The following ALDOB variants were observed in gnomAD, a reference collection of about 807,000 sequenced individuals.
ALDOB encodes fructose-bisphosphate aldolase B.
A neutral mutation model predicts 41.0 loss-of-function variants in ALDOB; 39 were observed. The ratio of observed to expected loss-of-function variants is 0.95; its 90% CI spans 0.74 to 1.24. The LOEUF is 1.24. Among genes scored for constraint, ALDOB ranks in the 50% most tolerant of loss-of-function variants. The pLI is 0.00. For missense variants in ALDOB, 530 were observed against 457.3 expected, an observed-to-expected ratio of 1.16 and a Z score of -1.45; for synonymous variants, 175 against 168.8, an observed-to-expected ratio of 1.04 and a Z score of -0.28.
chr9:101,421,486 G>A lies in ALDOB; in HGVS notation c.*323C>T. The A allele has an allele frequency of 2.5e-6, 1 of 402,436 alleles. No individual in the cohort carries two copies. The highest frequency in any genetic ancestry group is 4.7e-6 in the Non-Finnish European group (1 of 212,362). 24.9% of individuals were successfully genotyped at this position (402,436 alleles called of 1,614,324 possible). A position where few individuals can be genotyped will look rare whatever the true frequency, so the allele number is the denominator to read the frequency against. ...CACTTCTCTACACTCAGCTAATGAG[G>A]TGTTTCAATCAGCAGTTGTTCTTTG... On this transcript the variant is annotated 3_prime_UTR_variant, in exon 9 of 9. Coordinates refer to ENST00000647789, the MANE Select transcript of ALDOB (RefSeq NM_000035.4).
chr9:101,432,658 A>G (rs1831238129), intron 1 of ALDOB, among the ~76,000 whole-genome samples: 1 of 152,208 alleles, frequency 6.6e-6, no homozygotes, highest in African/African-American at 2.4e-5. Flanking sequence ...TTTCTTGAAA[A>G]TAATCCCAGA....
rs1278516998 is a variant in ALDOB, at chr9:101,430,779, C to A, written c.109G>T (p.Val37Leu). The A allele has an allele frequency of 6.2e-7, 1 of 1,610,856 alleles. No homozygotes were observed. ...TGAGACTGCTTTTTACACTCACCTA[C>A]AGATTCATCTGCAGCCAGGATCCCC... is the stretch of plus-strand genomic sequence containing the variant. ...GKGILAADES[V>L]GTMGNRLQRI... Residue 37 changes from valine to leucine, a missense_variant, in exon 2 of 9, where the codon GTA (valine) becomes TTA (leucine). Val to Leu is a conservative substitution (Grantham distance 32). Coordinates refer to ENST00000647789, the MANE Select transcript of ALDOB (RefSeq NM_000035.4).
chr9:101,427,557 G>T lies in ALDOB; in HGVS notation c.465C>A (p.Ala155=), dbSNP rs569981883. 1.2e-5 allele frequency: 20 copies of T among 1,614,098 alleles called. No individual in the cohort carries two copies. In the East Asian group the frequency reaches 4.5e-4, roughly 36 times the overall value. Residue 155 remains alanine, a synonymous_variant, in exon 5 of 9, where the codon GCC becomes GCA. Coordinates refer to ENST00000647789, the MANE Select transcript of ALDOB (RefSeq NM_000035.4). The part of the protein sequence containing the change: ...FGKWRAVLRI[A]DQCPSSLAIQ... ...TAGCGAGGCTGGATGGACACTGGTC[G>T]GCAATCCTCAGCACAGCACGCCACT...
rs571981075 is a variant in ALDOB, at chr9:101,430,771, C to T, written c.112+5G>A. 1.2e-6 allele frequency: 2 copies of T among 1,604,490 alleles called. No homozygotes were observed. Among genetic ancestry groups the T allele is most frequent in the South Asian group, 2.2e-5 (2 of 90,890 alleles). ...TTATATGATGAGACTGCTTTTTACA[C>T]TCACCTACAGATTCATCTGCAGCCA... On this transcript the variant is annotated splice_donor_5th_base_variant and intron_variant, in intron 2 of 8. Coordinates refer to ENST00000647789, the MANE Select transcript of ALDOB (RefSeq NM_000035.4).
intron 1 of ALDOB, among the ~76,000 whole-genome samples, chr9:101,433,672 G>C (rs1190777181): frequency 1.3e-5 from 2 of 152,144 alleles, no homozygotes; most frequent in African/African-American, 4.8e-5. Context: ...TACCCATACT[G>C]TTTTTGTGTC....
chr9:101,423,779 T>A (rs564541167), intron 8 of ALDOB, among the ~76,000 whole-genome samples: 27 of 152,288 alleles, frequency 1.8e-4, no homozygotes, highest in African/African-American at 6.3e-4. Context: ...CTCTGGCTCC[T>A]CTTTCTTTAC....
rs1588168513 is a variant in ALDOB, at chr9:101,420,691, ACT to A, written c.*1116_*1117del. The A allele has an allele frequency of 6.6e-6, 1 of 152,018 alleles. No homozygotes were observed. The highest frequency in any genetic ancestry group is 2.1e-4 in the South Asian group (1 of 4,810). 9.4% of individuals were successfully genotyped at this position (152,018 alleles called of 1,614,324 possible). A position where few individuals can be genotyped will look rare whatever the true frequency, so the allele number is the denominator to read the frequency against. ...CCATCAGTTTTAAGTAGTATTCCTG[ACT>A]CTCTTTGCTTTCTTCCACTTCTCCT... On this transcript the variant is annotated 3_prime_UTR_variant, in exon 9 of 9. Transcript: ENST00000647789.
chr9:101,429,904 ACTGCCGGCGGTTCT>A lies in ALDOB; in HGVS notation c.161_174del (p.Glu54ValfsTer71). 2 of 1,614,048 alleles carry A rather than the reference ACTGCCGGCGGTTCT, an allele frequency of 1.2e-6. No individual in the cohort carries two copies. Among genetic ancestry groups the A allele is most frequent in the East Asian group, 4.5e-5 (2 of 44,846 alleles). On this transcript the variant is annotated frameshift_variant, in exon 3 of 9. Transcript: ENST00000647789. LOFTEE classifies it high-confidence loss of function. ...TCCACAGAGAAGAGGATTTCTCGGA[ACTGCCGGCGGTTCT>A]CTTCAGTGTTTTCCACCTTGATCCT...
chr9:101,430,087 T>A (rs985941232), intron 2 of ALDOB, 121 bp from the exon 3 acceptor site: 41 of 919,424 alleles, frequency 4.5e-5, no homozygotes, highest in Non-Finnish European at 1.8e-6. Flanking sequence ...TTTCAGATAG[T>A]CAAAGCTCCT....
chr9:101,425,652 G>A, intron 6 of ALDOB, 25 bp from the exon 7 acceptor site: 1 of 1,613,624 alleles, frequency 6.2e-7, no homozygotes, highest in Non-Finnish European at 8.5e-7. Context: ...GTCCCACCAG[G>A]TGAAACTCAA....
rs17852652 is a variant in ALDOB at position 101,427,535 on chromosome 9, C to T, written c.487G>A (p.Ala163Thr). ...RIADQCPSSLAIQENANALAR... is the reference protein window; with the variant it reads ...RIADQCPSSLTIQENANALAR... ...AGGGCGTTGGCGTTTTCCTGGATAG[C>T]GAGGCTGGATGGACACTGGTCGGCA... Residue 163 changes from alanine to threonine, a missense_variant, in exon 5 of 9, where the codon GCT becomes ACT. By Grantham distance (58) the Ala-to-Thr change is moderately conservative. Coordinates refer to ENST00000647789, the MANE Select transcript of ALDOB (RefSeq NM_000035.4). 12 of 1,614,006 alleles carry T rather than the reference C, an allele frequency of 7.4e-6. No individual in the cohort carries two copies. Among genetic ancestry groups the T allele is most frequent in the South Asian group, 4.4e-5 (4 of 91,094 alleles).
Position 101,429,765 on chromosome 9 carries a change from A to C in ALDOB, c.314T>G (p.Val105Gly), listed in dbSNP as rs758242037. Residue 105 changes from valine (V) to glycine (G), a missense_variant, in exon 3 of 9, where the codon GTG becomes GGG. Physicochemically the swap from Val to Gly is moderately radical, Grantham distance 109. Transcript: ENST00000647789. The part of the protein sequence containing the change: ...RNILKEKGIV[V>G]GIKLDQGGAP... ...AATGGAGGTGTTCACCTTGATTCCC[A>C]CCACGATCCCCTTTTCCTTGAGGAT... 18 of 1,614,064 alleles carry C rather than the reference A, an allele frequency of 1.1e-5. No homozygotes were observed. The East Asian group carries it at 2.5e-4, about 22-fold the overall frequency.
At chr9:101,435,139 A>G (rs768326258) in intron 1 of ALDOB, among the ~76,000 whole-genome samples, 5 of 152,180 alleles carry the variant, frequency 3.3e-5, no homozygotes, top group Non-Finnish European at 7.3e-5. Context: ...AATGATGACT[A>G]TGCTCTGTGA....
chr9:101,432,429 A>G (rs1334223087), intron 1 of ALDOB, among the ~76,000 whole-genome samples: 1 of 152,198 alleles, frequency 6.6e-6, no homozygotes, highest in Non-Finnish European at 1.5e-5. Context: ...CCTCCAGATC[A>G]TCATGCTGAA....
At chr9:101,424,775 CT>C in intron 8 of ALDOB, 67 bp downstream of exon 8, 2 of 1,578,896 alleles carry the variant, frequency 1.3e-6, no homozygotes, top group Non-Finnish European at 1.7e-6. Flanking sequence ...AACAATGCTT[CT>C]CCGTGTTGGA....
intron 1 of ALDOB, among the ~76,000 whole-genome samples, chr9:101,433,899 G>A (rs1488622032): frequency 6.6e-6 from 1 of 151,838 alleles, no homozygotes; most frequent in South Asian, 2.1e-4. Flanking sequence ...ACACCAAGCA[G>A]CTGAAACTAC....
At chr9:101,428,743 G>C (rs1831168877) in intron 3 of ALDOB, among the ~76,000 whole-genome samples, 1 of 152,166 alleles carries the variant, frequency 6.6e-6, no homozygotes, top group African/African-American at 2.4e-5. Context: ...GCATGCACCA[G>C]GTGTTGTGTT....
In ALDOB at chr9:101,429,941, C is replaced by T. The variant is rs1419952631; in HGVS notation, c.138G>A (p.Arg46=). Reference sequence around the variant, plus strand: ...TCTCTTCAGTGTTTTCCACCTTGATCCTCTGCAGGCGGTTCCCCATGGTAC... The same window carrying T: ...TCTCTTCAGTGTTTTCCACCTTGATTCTCTGCAGGCGGTTCCCCATGGTAC... ...SVGTMGNRLQ[R]IKVENTEENR... Residue 46 remains arginine (R), a synonymous_variant, in exon 3 of 9, where the codon AGG becomes AGA. Coordinates refer to ENST00000647789, the MANE Select transcript of ALDOB (RefSeq NM_000035.4). The T allele has an allele frequency of 1.2e-6, 2 of 1,614,106 alleles. No homozygotes were observed. Among genetic ancestry groups the T allele is most frequent in the South Asian group, 2.2e-5 (2 of 91,072 alleles).
At chr9:101,422,373 C>T (rs80152358) in intron 8 of ALDOB, among the ~76,000 whole-genome samples, 12,067 of 152,232 alleles carry the variant, frequency 0.079, 546 homozygotes, top group Middle Eastern at 0.16. Flanking sequence ...ATGAAACTTA[C>T]GACAATATTT....
Sources: allele counts gnomAD v4.1 joint callset (sites outside exome capture counted in the v4.1 genomes callset), GRCh38; gene constraint gnomAD v4.1.1; transcripts MANE v1.5; gene names NCBI Gene and HGNC (gene_info 2026-07-23, HGNC 2026-07-21).